KIF1C: variants seen among roughly 807,000 people sequenced by gnomAD.
KIF1C encodes the protein kinesin-like protein KIF1C.
In KIF1C, 61 loss-of-function variants were observed where a neutral mutation model predicts 126.5. The observed-to-expected ratio is 0.48, with a 90% CI of 0.39 to 0.60. The LOEUF is 0.60. Among genes scored for constraint, KIF1C ranks in the 20% least tolerant of loss-of-function variants. The probability of loss-of-function intolerance (pLI) is 0.00; values close to 1 mark genes in which losing one functional copy is unlikely to be tolerated. For synonymous variants in KIF1C, 640 were observed against 580.6 expected (o/e 1.10, Z -1.47); for missense variants, 1,315 against 1,489.2 (o/e 0.88, Z 1.93).
intron 5 of KIF1C, 100 bp from the exon 6 acceptor site, chr17:5,001,959 G>A (rs1974605006): frequency 9.3e-7 from 1 of 1,073,528 alleles, no homozygotes; most frequent in Non-Finnish European, 1.4e-6. Flanking sequence ...TGTAGCAAGG[G>A]TTAAATGGGG....
At chr17:5,012,777 A>G (rs1397008977) in intron 16 of KIF1C, among the ~76,000 whole-genome samples, 2 of 152,194 alleles carry the variant, frequency 1.3e-5, no homozygotes, top group Non-Finnish European at 1.5e-5. Flanking sequence ...CAGCAGTGGC[A>G]TGAATGGGGG....
At chr17:5,008,423 C>T (rs886474918) in intron 16 of KIF1C, among the ~76,000 whole-genome samples, 17 of 152,186 alleles carry the variant, frequency 1.1e-4, no homozygotes, top group African/African-American at 3.4e-4. Flanking sequence ...ACTTCCAGTT[C>T]CACCAGGGAA....
intron 18 of KIF1C, among the ~76,000 whole-genome samples, chr17:5,017,067 A>T (rs1339111213): frequency 6.6e-6 from 1 of 152,124 alleles, no homozygotes; most frequent in Non-Finnish European, 1.5e-5. Flanking sequence ...AGTTATTGCC[A>T]AGTTCCTGTT....
At chr17:5,002,316 T>A in intron 6 of KIF1C, 148 bp from the exon 7 acceptor site, 1 of 932,748 alleles carries the variant, frequency 1.1e-6, no homozygotes, top group Non-Finnish European at 1.7e-6. Flanking sequence ...CCTGGCTTGT[T>A]GGGCAGGTCG....
rs1381507732 is a variant in KIF1C, at chr17:5,024,379, GC to G, written c.*230del. Reference sequence around the variant, plus strand: ...AAAGTGAAGAGAGAGATAGGAAGCTGCCTCGGGGCCACCCCTTGCAAAGGGG... The same window carrying G: ...AAAGTGAAGAGAGAGATAGGAAGCTGCTCGGGGCCACCCCTTGCAAAGGGG... On this transcript the variant is annotated 3_prime_UTR_variant, in exon 23 of 23. Coordinates refer to ENST00000320785, the MANE Select transcript of KIF1C (RefSeq NM_006612.6). 2.3e-6 allele frequency: 1 copy of G among 435,232 alleles called. No individual in the cohort carries two copies. The highest frequency in any genetic ancestry group is 4.1e-6 in the Non-Finnish European group (1 of 246,286). The allele number at this position is 435,232 out of a possible 1,614,324, so 27.0% of individuals were successfully genotyped here.
rs774701979 is a variant in KIF1C, at chr17:5,023,828, G to A, written c.2989G>A (p.Gly997Arg). The A allele has an allele frequency of 4.7e-5, 71 of 1,518,288 alleles. No homozygotes were observed. Among genetic ancestry groups the A allele is most frequent in the Middle Eastern group, 1.8e-4 (1 of 5,604 alleles). 94.1% of individuals were successfully genotyped at this position (1,518,288 alleles called of 1,614,324 possible). Residue 997 changes from glycine (G) to arginine (R), a missense_variant, in exon 23 of 23, where the codon GGG becomes AGG. Physicochemically the swap from Gly to Arg is moderately radical, Grantham distance 125 (BLOSUM62 -2). Around this residue, in one of 2 missense-constraint regions of KIF1C, gnomAD observed 441 missense variants for 436.1 expected, o/e 1.01. Coordinates refer to ENST00000320785, the MANE Select transcript of KIF1C (RefSeq NM_006612.6). This position sits in a 1 kb window ranked among gnomAD's most constrained non-coding sequence, Gnocchi z 4.2. ...HRESWPGMGS[G>R]EAPTPLQPPE... ...GGAGTCTTGGCCAGGGATGGGGAGC[G>A]GGGAGGCTCCAACTCCGCTCCAACC...
In KIF1C at chr17:5,006,898, C is replaced by T; in HGVS notation, c.1166-17C>T. On this transcript the variant is annotated splice_polypyrimidine_tract_variant and intron_variant, in intron 13 of 22. Transcript: ENST00000320785. ...TCTTTCCTTAGCCTCATTCTTTTTC[C>T]TCTTTCTCCCTCCCAGGCCTGAAGA... 4 of 1,610,970 alleles carry T rather than the reference C, an allele frequency of 2.5e-6. No homozygotes were observed. Among genetic ancestry groups the T allele is most frequent in the Non-Finnish European group, 3.4e-6 (4 of 1,179,212 alleles).
chr17:5,000,992 C>T (rs1029491157), intron 4 of KIF1C, 144 bp downstream of exon 4: 8 of 962,390 alleles, frequency 8.3e-6, no homozygotes, highest in Non-Finnish European at 1.3e-5. Context: ...GTGGTAGGAC[C>T]CTTAGGCTGT....
Position 5,024,003 on chromosome 17 carries a change from C to T in KIF1C, c.3164C>T (p.Pro1055Leu), listed in dbSNP as rs763684173. The T allele has an allele frequency of 2.5e-6, 4 of 1,598,894 alleles. No homozygotes were observed. The highest frequency in any genetic ancestry group is 3.5e-5 in the Admixed American group (2 of 57,804). The part of the protein sequence containing the change: ...SAQPEPQHFQ[P>L]KKHNSYPQPP... ...CAGCCTGAACCCCAGCACTTCCAGC[C>T]CAAAAAGCACAACTCTTATCCCCAG... The change falls in exon 23 of 23, where the codon CCC (proline) becomes CTC (leucine). Residue 1055 changes from proline to leucine, a missense_variant. Physicochemically the swap from Pro to Leu is moderately conservative, Grantham distance 98. Around this residue, in one of 2 missense-constraint regions of KIF1C, gnomAD observed 441 missense variants for 436.1 expected, o/e 1.01. Coordinates refer to ENST00000320785, the MANE Select transcript of KIF1C (RefSeq NM_006612.6).
intron 18 of KIF1C, among the ~76,000 whole-genome samples, chr17:5,019,060 C>G (rs1975036443): frequency 1.3e-5 from 2 of 152,294 alleles, no homozygotes; most frequent in South Asian, 4.1e-4. Context: ...CCATCGGCTT[C>G]TGAGTCTCCC....
chr17:5,020,065 T>G lies in KIF1C; in HGVS notation c.1736T>G (p.Leu579Arg), dbSNP rs557132499. 3.1e-6 allele frequency: 5 copies of G among 1,594,542 alleles called. No individual in the cohort carries two copies. The African/African-American group carries it at 6.7e-5, about 21-fold the overall frequency. ...AATGGGAAGCTTGTGACGGAGCCGC[T>G]GGTGCTGAAGTCAGGTAGAAGATGT... The part of the protein sequence containing the change: ...YVNGKLVTEP[L>R]VLKSGNRIVM... The change falls in exon 19 of 23, where the codon CTG becomes CGG. Residue 579 changes from leucine to arginine, a missense_variant. This residue lies in a region of KIF1C where 874 missense variants were observed against 1,053.2 expected (regional missense o/e 0.83). Coordinates refer to ENST00000320785, the MANE Select transcript of KIF1C (RefSeq NM_006612.6). The surrounding 1 kb of genome is among the most constrained non-coding windows in gnomAD (Gnocchi z 5.8).
At position 4,998,008 on chromosome 17, in the gene KIF1C, G is replaced by C. The variant is rs993021640; in HGVS notation, c.-297G>C. On this transcript the variant is annotated 5_prime_UTR_variant, in exon 1 of 23. Coordinates refer to ENST00000320785, the MANE Select transcript of KIF1C (RefSeq NM_006612.6). ...GCGCCGCTACTGCTGCCGCCCCCGG[G>C]GCGCGAGTCCGCCGCCCGCCGCCCG... 17 of 148,248 alleles carry C rather than the reference G, an allele frequency of 1.1e-4. No individual in the cohort carries two copies. The highest frequency in any genetic ancestry group is 4.2e-4 in the African/African-American group (17 of 40,934). The allele number at this position is 148,248 out of a possible 1,614,324, so 9.2% of individuals were successfully genotyped here. A position where few individuals can be genotyped will look rare whatever the true frequency, so the allele number is the denominator to read the frequency against.
In KIF1C at chr17:5,023,901, C is replaced by T. The variant is rs369620316; in HGVS notation, c.3062C>T (p.Pro1021Leu). 1.9e-5 allele frequency: 29 copies of T among 1,551,808 alleles called. No homozygotes were observed. Among genetic ancestry groups the T allele is most frequent in the Admixed American group, 3.9e-5 (2 of 50,714 alleles). Residue 1021 changes from proline to leucine, a missense_variant, in exon 23 of 23, where the codon CCG becomes CTG. Physicochemically the swap from Pro to Leu is moderately conservative, Grantham distance 98. This residue lies in a region of KIF1C where 441 missense variants were observed against 436.1 expected (regional missense o/e 1.01). Coordinates refer to ENST00000320785, the MANE Select transcript of KIF1C (RefSeq NM_006612.6). The surrounding 1 kb of genome is among the most constrained non-coding windows in gnomAD (Gnocchi z 4.2). ...PHPATPARRPPSPRRSHHPRR... is the reference protein window; with the variant it reads ...PHPATPARRPLSPRRSHHPRR... Reference sequence around the variant, plus strand: ...CCAGCCACCCCTGCCCGCCGGCCTCCGAGTCCCCGAAGGTCCCACCATCCC... The same window carrying T: ...CCAGCCACCCCTGCCCGCCGGCCTCTGAGTCCCCGAAGGTCCCACCATCCC...
In KIF1C at chr17:5,004,534, C is replaced by T. The variant is rs1487745424; in HGVS notation, c.941-33C>T. The stretch of plus-strand genomic sequence containing the variant: ...GTCTGACTTTGCTTAGCCCCTCCCT[C>T]AGCTGAAGCTTTTCCATGCACTCCA... On this transcript the variant is annotated intron_variant, in intron 11 of 22. Coordinates refer to ENST00000320785, the MANE Select transcript of KIF1C (RefSeq NM_006612.6). 4.4e-6 allele frequency: 7 copies of T among 1,606,532 alleles called. No individual in the cohort carries two copies. In the South Asian group the frequency reaches 6.6e-5, roughly 15 times the overall value.
Position 5,027,583 on chromosome 17 carries a change from A to G in KIF1C, c.*3432A>G. The G allele has an allele frequency of 6.6e-6, 1 of 152,136 alleles. No individual in the cohort carries two copies. The highest frequency in any genetic ancestry group is 1.5e-5 in the Non-Finnish European group (1 of 68,044). 9.4% of individuals were successfully genotyped at this position (152,136 alleles called of 1,614,324 possible). A position where few individuals can be genotyped will look rare whatever the true frequency, so the allele number is the denominator to read the frequency against. On this transcript the variant is annotated 3_prime_UTR_variant, in exon 23 of 23. Transcript: ENST00000320785. Reference sequence around the variant, plus strand: ...CTCCTGAAGACTGAGGTTGGTTTAGATTAATGAGTTGCCCAAATTCAGACA... The same window carrying G: ...CTCCTGAAGACTGAGGTTGGTTTAGGTTAATGAGTTGCCCAAATTCAGACA...
At position 5,020,717 on chromosome 17, in the gene KIF1C, G is replaced by A. The variant is rs1304413910; in HGVS notation, c.1937+39G>A. 1.2e-6 allele frequency: 2 copies of A among 1,611,188 alleles called. No homozygotes were observed. Among genetic ancestry groups the A allele is most frequent in the Non-Finnish European group, 1.7e-6 (2 of 1,178,000 alleles). On this transcript the variant is annotated intron_variant, in intron 20 of 22. Transcript: ENST00000320785. This position sits in a 1 kb window ranked among gnomAD's most constrained non-coding sequence, Gnocchi z 5.8. ...ACCCACGTGCCCCATGGCCGTCTAG[G>A]CCGTCCCTCCCGGGCCTCTGGGCCC...
At chr17:5,021,275 C>CGATTCTCAT (rs1187020835) in intron 21 of KIF1C, among the ~76,000 whole-genome samples, 3 of 143,582 alleles carry the variant, frequency 2.1e-5, no homozygotes, top group African/African-American at 7.8e-5. Context: ...TGGGTTCAAG[C>CGATTCTCAT]GATTCTCATG....
At chr17:5,010,767 T>A (rs901406258) in intron 16 of KIF1C, among the ~76,000 whole-genome samples, 6 of 151,944 alleles carry the variant, frequency 3.9e-5, no homozygotes, top group Non-Finnish European at 8.8e-5. Context: ...ATTTTTTTTT[T>A]AATCTATATT....
At chr17:5,007,241 C>T (rs773668770) in intron 14 of KIF1C, 22 bp from the exon 15 acceptor site, 6 of 1,599,036 alleles carry the variant, frequency 3.8e-6, no homozygotes, top group African/African-American at 2.7e-5. Context: ...CATCCTGAAA[C>T]CTACCCACCT....
Sources: gnomAD v4.1 joint callset for allele counts (sites outside exome capture counted in the v4.1 genomes callset) on GRCh38, gnomAD v4.1.1 for gene constraint, gnomAD v4.1.1 regional missense constraint, Gnocchi (gnomAD v3.1) non-coding constraint, MANE v1.5 for transcripts, NCBI Gene and HGNC (gene_info 2026-07-23, HGNC 2026-07-21) for gene names.